The following STXBP5L variants were observed in gnomAD, a reference collection of about 807,000 sequenced individuals.
The protein encoded by STXBP5L is syntaxin-binding protein 5-like.
STXBP5L carries 65 observed loss-of-function variants against 144.5 expected under a neutral mutation model. The ratio of observed to expected loss-of-function variants is 0.45; its 90% CI spans 0.37 to 0.55. The LOEUF is 0.55. STXBP5L is among the 20% of genes least tolerant of loss of function. The pLI is 0.00. For missense variants in STXBP5L, 1,298 were observed against 1,405.5 expected (o/e 0.92, Z 1.22); for synonymous variants, 505 against 469.6 (o/e 1.08, Z -0.97).
intron 3 of STXBP5L, among the ~76,000 whole-genome samples, chr3:121,022,438 C>G (rs1014201192): frequency 4.6e-5 from 7 of 151,918 alleles, no homozygotes; most frequent in Admixed American, 4.6e-4. Flanking sequence ...ATATCAAAAC[C>G]AAGAAAGGAC....
chr3:121,212,547 G>T (rs1049498780), intron 10 of STXBP5L, among the ~76,000 whole-genome samples: 1 of 152,018 alleles, frequency 6.6e-6, no homozygotes, highest in East Asian at 1.9e-4. Context: ...TATTTCTGAG[G>T]ACTCGGTTCT....
intron 7 of STXBP5L, among the ~76,000 whole-genome samples, chr3:121,149,936 C>T (rs189507645): frequency 1.2e-3 from 190 of 152,130 alleles, no homozygotes; most frequent in Non-Finnish European, 2.1e-3. Context: ...TTCTTCTCTA[C>T]GTACATATTT....
intron 14 of STXBP5L, among the ~76,000 whole-genome samples, chr3:121,246,130 G>T (rs2108351005): frequency 6.6e-6 from 1 of 152,330 alleles, no homozygotes; most frequent in East Asian, 1.9e-4. Flanking sequence ...AGGCAAGTGA[G>T]CATTACCACC....
intron 3 of STXBP5L, among the ~76,000 whole-genome samples, chr3:120,979,215 C>G (rs527821297): frequency 6.6e-6 from 1 of 152,184 alleles, no homozygotes; most frequent in South Asian, 2.1e-4. Context: ...TGGAGCTTCC[C>G]GGCTGCTTTG....
At chr3:120,980,399 G>A (rs1941626918) in intron 3 of STXBP5L, among the ~76,000 whole-genome samples, 1 of 149,630 alleles carries the variant, frequency 6.7e-6, no homozygotes, top group Non-Finnish European at 1.5e-5. Flanking sequence ...GGTGCTCTAT[G>A]TATATAGAAT....
chr3:121,058,842 G>C (rs903507252), intron 5 of STXBP5L, among the ~76,000 whole-genome samples: 1 of 152,028 alleles, frequency 6.6e-6, no homozygotes, highest in Non-Finnish European at 1.5e-5. Context: ...TTGTAAATTT[G>C]TTTAAGTTCT....
intron 9 of STXBP5L, among the ~76,000 whole-genome samples, chr3:121,160,019 G>C (rs2046263041): frequency 6.6e-6 from 1 of 152,038 alleles, no homozygotes; most frequent in Non-Finnish European, 1.5e-5. Flanking sequence ...TTTTTGTTCT[G>C]ATATTTCAAT....
chr3:120,979,317 C>G (rs1281554991), intron 3 of STXBP5L, among the ~76,000 whole-genome samples: 1 of 152,182 alleles, frequency 6.6e-6, no homozygotes, highest in African/African-American at 2.4e-5. Flanking sequence ...TGCTAGCAAT[C>G]AGCAATACTC....
At chr3:120,976,895 C>G (rs1327244986) in intron 3 of STXBP5L, among the ~76,000 whole-genome samples, 4 of 152,008 alleles carry the variant, frequency 2.6e-5, no homozygotes, top group African/African-American at 9.7e-5. Flanking sequence ...TTTGATTGCA[C>G]TGTGGTCTGA....
intron 9 of STXBP5L, among the ~76,000 whole-genome samples, chr3:121,167,809 C>T (rs1251029702): frequency 6.6e-6 from 1 of 152,182 alleles, no homozygotes; most frequent in Non-Finnish European, 1.5e-5. Flanking sequence ...AGTGGATCTC[C>T]CAGCACAGCG....
chr3:121,038,195 T>G (rs1187364836), intron 3 of STXBP5L, among the ~76,000 whole-genome samples: 1 of 151,982 alleles, frequency 6.6e-6, no homozygotes, highest in Non-Finnish European at 1.5e-5. Context: ...TGAAATTAAT[T>G]TGCTCTTCTT....
At chr3:121,346,626 T>A (rs960971067) in intron 20 of STXBP5L, among the ~76,000 whole-genome samples, 3 of 152,186 alleles carry the variant, frequency 2.0e-5, no homozygotes, top group Non-Finnish European at 4.4e-5. Flanking sequence ...GTTTCCTGAC[T>A]TTTTAATGAT....
At chr3:121,090,293 T>A (rs1270473666) in intron 5 of STXBP5L, among the ~76,000 whole-genome samples, 1 of 152,122 alleles carries the variant, frequency 6.6e-6, no homozygotes, top group African/African-American at 2.4e-5. Flanking sequence ...TTAAACTCAC[T>A]GACATCTTAG....
intron 9 of STXBP5L, among the ~76,000 whole-genome samples, chr3:121,172,622 CA>C (rs1365638741): frequency 4.6e-5 from 7 of 152,258 alleles, no homozygotes; most frequent in African/African-American, 1.7e-4. Flanking sequence ...AAATCAAAAC[CA>C]CAGTGAGATA....
intron 19 of STXBP5L, among the ~76,000 whole-genome samples, chr3:121,290,954 G>T (rs567690384): frequency 6.6e-6 from 1 of 152,058 alleles, no homozygotes; most frequent in East Asian, 1.9e-4. Context: ...TACGGAATGG[G>T]GGAAAGCTGA....
rs1002619987 is a variant in STXBP5L, at chr3:121,068,878, T to A, written c.470+23343T>A. Among the ~76,000 whole-genome samples, 5 of 152,222 alleles carry A rather than the reference T, an allele frequency of 3.3e-5. No individual in the cohort carries two copies. In the East Asian group the frequency reaches 7.7e-4, roughly 23 times the overall value. On this transcript the variant is annotated intron_variant, in intron 5 of 26. Coordinates refer to ENST00000471454, the MANE Select transcript of STXBP5L (RefSeq NM_001308330.2). Reference sequence around the variant, plus strand: ...TGTTAGAACAAATTCTCTCTGCTTTTATTATTTCACTTTTTAAAATACTTT... The same window carrying A: ...TGTTAGAACAAATTCTCTCTGCTTTAATTATTTCACTTTTTAAAATACTTT...
chr3:120,967,149 TG>T (rs1939678969), intron 3 of STXBP5L, among the ~76,000 whole-genome samples: 1 of 152,122 alleles, frequency 6.6e-6, no homozygotes. Flanking sequence ...TTTAAGACCT[TG>T]GGAAAAGTGC....
At chr3:121,065,255 C>T (rs142247025) in intron 5 of STXBP5L, among the ~76,000 whole-genome samples, 1 of 151,898 alleles carries the variant, frequency 6.6e-6, no homozygotes, top group Non-Finnish European at 1.5e-5. Flanking sequence ...GGGTATATAC[C>T]CAGTAATGGG....
intron 15 of STXBP5L, among the ~76,000 whole-genome samples, chr3:121,253,412 C>T (rs751906287): frequency 6.6e-6 from 1 of 151,648 alleles, no homozygotes; most frequent in African/African-American, 2.4e-5. Flanking sequence ...TTTTTTCTTA[C>T]GCATTTGAGA....
Sources: allele counts gnomAD v4.1 joint callset (sites outside exome capture counted in the v4.1 genomes callset), GRCh38; gene constraint gnomAD v4.1.1; transcripts MANE v1.5; gene names NCBI Gene and HGNC (gene_info 2026-07-23, HGNC 2026-07-21).